Variants in CNTNAP5 observed in about 807,000 individuals in gnomAD.
CNTNAP5 encodes the protein contactin associated protein family member 5, also known as contactin-associated protein-like 5.
Under a neutral mutation model 150.2 loss-of-function variants are expected in CNTNAP5, and 72 were observed. The observed-to-expected ratio is 0.48, with a 90% CI of 0.40 to 0.58. CNTNAP5 has a LOEUF of 0.58. Ranked by LOEUF, CNTNAP5 falls within the 20% of genes least tolerant of loss-of-function variation. CNTNAP5 has a pLI of 0.00. For missense variants in CNTNAP5, 1,636 were observed against 1,626.2 expected (o/e 1.01, Z -0.10); for synonymous variants, 672 against 619.8 (o/e 1.08, Z -1.25).
intron 1 of CNTNAP5, among the ~76,000 whole-genome samples, chr2:124,209,736 TACA>T (rs1685958991): frequency 6.6e-6 from 1 of 152,176 alleles, no homozygotes. Context: ...ACCTGTGTGC[TACA>T]ACATCTTCAA....
At chr2:124,380,467 T>C (rs1447386488) in intron 3 of CNTNAP5, among the ~76,000 whole-genome samples, 2 of 152,164 alleles carry the variant, frequency 1.3e-5, no homozygotes, top group East Asian at 3.9e-4. Context: ...ATTGCTGTAA[T>C]TCTCTGGAAA....
chr2:124,551,497 A>T (rs988801099), intron 10 of CNTNAP5, among the ~76,000 whole-genome samples: 3 of 152,204 alleles, frequency 2.0e-5, no homozygotes, highest in Non-Finnish European at 4.4e-5. Context: ...TGCTAATTAA[A>T]GCAAACAGAC....
At chr2:124,147,972 G>A (rs1407936182) in intron 1 of CNTNAP5, among the ~76,000 whole-genome samples, 1 of 152,200 alleles carries the variant, frequency 6.6e-6, no homozygotes, top group Non-Finnish European at 1.5e-5. Flanking sequence ...GATTCATGTG[G>A]GAGGTTTAAT....
At chr2:124,713,908 C>T (rs2105108481) in intron 13 of CNTNAP5, among the ~76,000 whole-genome samples, 1 of 152,296 alleles carries the variant, frequency 6.6e-6, no homozygotes, top group East Asian at 1.9e-4. Context: ...AAACATCTTT[C>T]CTTGTTCTCT....
intron 12 of CNTNAP5, among the ~76,000 whole-genome samples, chr2:124,631,270 A>C (rs1218077756): frequency 6.6e-6 from 1 of 152,222 alleles, no homozygotes; most frequent in East Asian, 1.9e-4. Flanking sequence ...TAGCCAAGAC[A>C]ATCCTAAGCA....
chr2:124,661,416 T>G (rs963217103), intron 13 of CNTNAP5, among the ~76,000 whole-genome samples: 47 of 152,124 alleles, frequency 3.1e-4, no homozygotes, highest in African/African-American at 1.0e-3. Flanking sequence ...CCGCAAAGAA[T>G]CAGGATTATC....
chr2:124,415,906 C>A (rs1185615771), intron 3 of CNTNAP5, among the ~76,000 whole-genome samples: 1 of 151,446 alleles, frequency 6.6e-6, no homozygotes, highest in Non-Finnish European at 1.5e-5. Context: ...TCATCTTCAG[C>A]AAAAAAAACC....
intron 4 of CNTNAP5, 55 bp downstream of exon 4, chr2:124,417,645 G>A (rs568757026): frequency 1.4e-4 from 211 of 1,500,252 alleles, no homozygotes; most frequent in East Asian, 1.2e-3. Context: ...CACCGCCTAC[G>A]TAACATCAGT....
intron 19 of CNTNAP5, among the ~76,000 whole-genome samples, chr2:124,849,503 C>T (rs1257496853): frequency 1.3e-5 from 2 of 152,010 alleles, no homozygotes; most frequent in Non-Finnish European, 2.9e-5. Context: ...CTCAAAATTC[C>T]TTTTGCTATT....
At chr2:124,190,546 CAATT>C in intron 1 of CNTNAP5, among the ~76,000 whole-genome samples, 1 of 152,200 alleles carries the variant, frequency 6.6e-6, no homozygotes, top group Middle Eastern at 3.4e-3. Context: ...CCTGGTATTT[CAATT>C]AATTAAAAAT....
At chr2:124,505,137 C>T (rs1008723544) in intron 8 of CNTNAP5, among the ~76,000 whole-genome samples, 3 of 152,128 alleles carry the variant, frequency 2.0e-5, no homozygotes, top group Admixed American at 2.0e-4. Flanking sequence ...AGAATTCTTA[C>T]CTGGGAGTAT....
intron 1 of CNTNAP5, among the ~76,000 whole-genome samples, chr2:124,082,348 CAAAAAA>C (rs56285830): frequency 1.9e-4 from 14 of 73,590 alleles, no homozygotes; most frequent in African/African-American, 4.2e-4. Flanking sequence ...GACTCTCTCT[CAAAAAA>C]AAAAAAAAAA....
intron 10 of CNTNAP5, among the ~76,000 whole-genome samples, chr2:124,529,602 G>T (rs912350750): frequency 3.3e-5 from 5 of 152,144 alleles, no homozygotes; most frequent in African/African-American, 1.2e-4. Context: ...GAGTTAGAAG[G>T]GCAGGTGTTT....
chr2:124,650,931 C>T (rs1678307715), intron 13 of CNTNAP5, among the ~76,000 whole-genome samples: 1 of 152,150 alleles, frequency 6.6e-6, no homozygotes, highest in Admixed American at 6.5e-5. Context: ...ATTATATCCT[C>T]AGGACAAATT....
At chr2:124,208,562 A>ATATC (rs1685923929) in intron 1 of CNTNAP5, among the ~76,000 whole-genome samples, 1 of 152,198 alleles carries the variant, frequency 6.6e-6, no homozygotes, top group African/African-American at 2.4e-5. Flanking sequence ...CAGTGAGAAA[A>ATATC]TATCTTTCTA....
intron 21 of CNTNAP5, among the ~76,000 whole-genome samples, chr2:124,883,303 CTAT>C (rs754629515): frequency 2.0e-5 from 3 of 151,902 alleles, no homozygotes; most frequent in Non-Finnish European, 4.4e-5. Context: ...CTCAAGCAAT[CTAT>C]GTGTCTCAGT....
At chr2:124,397,319 G>T (rs1034183747) in intron 3 of CNTNAP5, among the ~76,000 whole-genome samples, 4 of 152,174 alleles carry the variant, frequency 2.6e-5, no homozygotes, top group Non-Finnish European at 4.4e-5. Context: ...AGATTAAGGT[G>T]CTGGAAGATC....
chr2:124,438,962 A>T (rs1238745667), intron 5 of CNTNAP5, among the ~76,000 whole-genome samples: 4 of 152,200 alleles, frequency 2.6e-5, no homozygotes, highest in Non-Finnish European at 5.9e-5. Flanking sequence ...GCAAAGCTGT[A>T]GATATGGGAT....
intron 1 of CNTNAP5, among the ~76,000 whole-genome samples, chr2:124,109,563 C>A (rs1683248998): frequency 2.6e-5 from 4 of 152,154 alleles, no homozygotes; most frequent in Admixed American, 1.3e-4. Context: ...GAATACCCAT[C>A]CTTCTTGGAC....
Sources: gnomAD v4.1 joint callset for allele counts (sites outside exome capture counted in the v4.1 genomes callset) on GRCh38, gnomAD v4.1.1 for gene constraint, MANE v1.5 for transcripts, NCBI Gene and HGNC (gene_info 2026-07-23, HGNC 2026-07-21) for gene names.